CFAP74: variants seen among roughly 807,000 people sequenced by gnomAD.
The protein encoded by CFAP74 is cilia and flagella associated protein 74.
CFAP74 carries 124 observed loss-of-function variants against 188.9 expected under a neutral mutation model. That is an observed-to-expected ratio of 0.66 (90% confidence interval 0.57 to 0.76). The LOEUF (loss-of-function observed/expected upper bound fraction) is 0.76, where lower values mean the gene tolerates loss of function less well. Ranked by LOEUF, CFAP74 falls within the 30% of genes least tolerant of loss-of-function variation. The pLI, the probability that CFAP74 is intolerant of heterozygous loss-of-function variation, is 0.00. For missense variants in CFAP74, 2,198 were observed against 2,165.2 expected, an observed-to-expected ratio of 1.02 and a Z score of -0.30; for synonymous variants, 956 against 916.7, an observed-to-expected ratio of 1.04 and a Z score of -0.77.
chr1:1,937,922 GCACA>G (rs1346078358), intron 25 of CFAP74, among the ~76,000 whole-genome samples: 5 of 148,400 alleles, frequency 3.4e-5, no homozygotes, highest in South Asian at 4.3e-4. Context: ...ATACACACAT[GCACA>G]CACACAGTCT....
At chr1:1,989,222 C>G (rs2102106663) in intron 2 of CFAP74, among the ~76,000 whole-genome samples, 1 of 152,188 alleles carries the variant, frequency 6.6e-6, no homozygotes, top group Admixed American at 6.5e-5. Context: ...AGCAAGGGCA[C>G]AGCACCGCTT....
chr1:1,930,325 A>G lies in CFAP74; in HGVS notation c.3023T>C (p.Leu1008Pro), dbSNP rs1463133049. 1.1e-5 allele frequency: 17 copies of G among 1,522,298 alleles called. No individual in the cohort carries two copies. Among genetic ancestry groups the G allele is most frequent in the Non-Finnish European group, 1.5e-5 (17 of 1,136,288 alleles). 94.3% of individuals were successfully genotyped at this position (1,522,298 alleles called of 1,614,324 possible). A position where few individuals can be genotyped will look rare whatever the true frequency, so the allele number is the denominator to read the frequency against. Residue 1008 changes from leucine to proline, a missense_variant, in exon 26 of 39, where the codon CTG becomes CCG. Leu to Pro is a moderately conservative substitution (Grantham distance 98). Coordinates refer to ENST00000682832, the MANE Select transcript of CFAP74 (RefSeq NM_001304360.2). Reference protein sequence around the residue: ...CKSEINRCFKLSCRAVGVHPP... With the variant: ...CKSEINRCFKPSCRAVGVHPP... ...GTGGACGCCTACAGCCCGGCAAGAC[A>G]GCTTGAAGCACCTGCAAGCAGCAGC...
At chr1:1,956,292 C>G (rs2102061669) in intron 17 of CFAP74, among the ~76,000 whole-genome samples, 1 of 152,312 alleles carries the variant, frequency 6.6e-6, no homozygotes, top group East Asian at 1.9e-4. Context: ...GTCCTCCCAC[C>G]CCCACACCTG....
rs138672899 is a variant in CFAP74 at position 1,944,437 on chromosome 1, C to T, written c.2380G>A (p.Val794Met). 1,014 of 1,536,062 alleles carry T rather than the reference C, an allele frequency of 6.6e-4. No homozygotes were observed. The highest frequency in any genetic ancestry group is 7.3e-4 in the Non-Finnish European group (832 of 1,146,878). Residue 794 changes from valine to methionine, a missense_variant, in exon 21 of 39, where the codon GTG becomes ATG. Transcript: ENST00000682832. ...PQCPTLHFRVVGVAIDVPVWV... is the reference protein window; with the variant it reads ...PQCPTLHFRVMGVAIDVPVWV... The stretch of plus-strand genomic sequence containing the variant: ...ACCGGCACATCGATGGCCACGCCCA[C>T]GACCCTGAAATGCAGCTGCATATGG...
At chr1:1,986,280 C>T (rs1261349933) in intron 5 of CFAP74, among the ~76,000 whole-genome samples, 4 of 152,146 alleles carry the variant, frequency 2.6e-5, no homozygotes, top group Non-Finnish European at 4.4e-5. Context: ...CCAGCTACTC[C>T]GGAGGCTGCA....
chr1:1,930,173 G>A lies in CFAP74; in HGVS notation c.3175C>T (p.Arg1059Cys), dbSNP rs887385307. 25 of 1,535,664 alleles carry A rather than the reference G, an allele frequency of 1.6e-5. No homozygotes were observed. Among genetic ancestry groups the A allele is most frequent in the East Asian group, 7.3e-5 (3 of 40,918 alleles). The change falls in exon 26 of 39, where the codon CGC becomes TGC. Residue 1059 changes from arginine to cysteine, a missense_variant. Transcript: ENST00000682832. ...GGAGAGGCGTCCTCTGAGCCAATGC[G>A]GGGCTTGGAGTGGGTCGGTGAGCTC... is the stretch of plus-strand genomic sequence containing the variant. ...SMSSPTHSKP[R>C]IGSEDASPMG... is the part of the protein sequence containing the mutation.
chr1:1,999,948 G>A (rs529160628), intron 1 of CFAP74, among the ~76,000 whole-genome samples: 2 of 152,278 alleles, frequency 1.3e-5, no homozygotes, highest in South Asian at 4.1e-4. Context: ...GGCGGATCAT[G>A]AGGTCAGGAG....
At chr1:1,963,661 C>T (rs1655255964) in intron 14 of CFAP74, 88 bp downstream of exon 14, 2 of 804,300 alleles carry the variant, frequency 2.5e-6, no homozygotes, top group Non-Finnish European at 4.1e-6. Flanking sequence ...CATATAGAGC[C>T]TGTTCCAGCC....
At chr1:1,940,939 C>G (rs1263666006) in intron 22 of CFAP74, among the ~76,000 whole-genome samples, 1 of 152,046 alleles carries the variant, frequency 6.6e-6, no homozygotes, top group African/African-American at 2.4e-5. Flanking sequence ...GGTGAAACCC[C>G]ATCTCTACTA....
chr1:1,939,829 A>C (rs966653203), intron 23 of CFAP74, 62 bp from the exon 24 acceptor site: 2 of 1,458,386 alleles, frequency 1.4e-6, no homozygotes, highest in African/African-American at 1.4e-5. Context: ...GTGCTCCCCA[A>C]ACTCTGAGGC....
chr1:1,957,958 C>T (rs570668500), intron 16 of CFAP74, among the ~76,000 whole-genome samples: 6 of 152,334 alleles, frequency 3.9e-5, no homozygotes, highest in African/African-American at 1.2e-4. Flanking sequence ...TGAACCCAAG[C>T]GGGGCCACTT....
rs993461680 is a variant in CFAP74, at chr1:1,928,992, C to A, written c.3289-110G>T. The A allele has an allele frequency of 4.5e-6, 3 of 671,738 alleles. No individual in the cohort carries two copies. The East Asian group carries it at 8.4e-5, about 19-fold the overall frequency. The allele number at this position is 671,738 out of a possible 1,614,324, so 41.6% of individuals were successfully genotyped here. A position where few individuals can be genotyped will look rare whatever the true frequency, so the allele number is the denominator to read the frequency against. On this transcript the variant is annotated intron_variant, in intron 26 of 38. Coordinates refer to ENST00000682832, the MANE Select transcript of CFAP74 (RefSeq NM_001304360.2). The stretch of plus-strand genomic sequence containing the variant: ...CCGTGGACTCCCCTCAAGGTCACCT[C>A]CCCCTTGAGATTTCAGGCTGCGTGC...
intron 25 of CFAP74, among the ~76,000 whole-genome samples, chr1:1,931,128 C>T (rs535753328): frequency 6.6e-6 from 1 of 152,284 alleles, no homozygotes; most frequent in South Asian, 2.1e-4. Flanking sequence ...GCTCTAAATG[C>T]TTTAAAAAAT....
chr1:1,946,151 C>T (rs1198004255), intron 20 of CFAP74, among the ~76,000 whole-genome samples, 166 bp downstream of exon 20: 2 of 152,224 alleles, frequency 1.3e-5, no homozygotes, highest in Non-Finnish European at 2.9e-5. Context: ...TGTGTGCACA[C>T]TCGTGTGCGT....
Position 1,939,770 on chromosome 1 carries a change from G to C in CFAP74, c.2704-3C>G. 1 of 1,533,314 alleles carries C rather than the reference G, an allele frequency of 6.5e-7. No individual in the cohort carries two copies. The highest frequency in any genetic ancestry group is 8.7e-7 in the Non-Finnish European group (1 of 1,144,574). The allele number at this position is 1,533,314 out of a possible 1,614,324, so 95.0% of individuals were successfully genotyped here. ...ACGGTGAATCCCACTGGCTTGTTCT[G>C]AGACATAAAGGGCACAGGCGCCCTC... On this transcript the variant is annotated splice_region_variant and splice_polypyrimidine_tract_variant and intron_variant, in intron 23 of 38. Transcript: ENST00000682832.
At chr1:1,927,503 G>A in intron 28 of CFAP74, 104 bp downstream of exon 28, 1 of 1,134,822 alleles carries the variant, frequency 8.8e-7, no homozygotes, top group Non-Finnish European at 1.2e-6. Context: ...AGCCACATGG[G>A]TCATTCCGGG....
rs758429401 is a variant in CFAP74, at chr1:1,930,043, G to A, written c.3288+17C>T. 4.0e-6 allele frequency: 6 copies of A among 1,496,194 alleles called. No individual in the cohort carries two copies. In the East Asian group the frequency reaches 1.5e-4, roughly 37 times the overall value. 92.7% of individuals were successfully genotyped at this position (1,496,194 alleles called of 1,614,324 possible). ...GGAGCTCCTGCTTCCCAGCCTGCAT[G>A]TGGGGCCCACACCCACCTTTCCTGG... is the stretch of plus-strand genomic sequence containing the variant. On this transcript the variant is annotated intron_variant, in intron 26 of 38. Coordinates refer to ENST00000682832, the MANE Select transcript of CFAP74 (RefSeq NM_001304360.2).
rs1400514107 is a variant in CFAP74 at position 1,968,125 on chromosome 1, AG to A, written c.1245+509del. ...TGAATGAGTGAATGAATGAAGAATGAGTGAGTGAATGAATGAAGAAAGAATG... is the reference window on the plus strand; with the variant it reads ...TGAATGAGTGAATGAATGAAGAATGATGAGTGAATGAATGAAGAAAGAATG... On this transcript the variant is annotated intron_variant, in intron 11 of 38. Transcript: ENST00000682832. The surrounding 1 kb of genome is among the most constrained non-coding windows in gnomAD (Gnocchi z 4.3). Among the ~76,000 whole-genome samples the A allele has an allele frequency of 7.0e-6, 1 of 143,870 alleles. No individual in the cohort carries two copies. Among genetic ancestry groups the A allele is most frequent in the Non-Finnish European group, 1.6e-5 (1 of 63,626 alleles). 94.4% of individuals were successfully genotyped at this position (143,870 alleles called of 152,430 possible).
At chr1:1,964,794 A>C (rs1655346383) in intron 13 of CFAP74, 94 bp downstream of exon 13, 3 of 1,435,774 alleles carry the variant, frequency 2.1e-6, no homozygotes, top group Middle Eastern at 2.3e-4. Flanking sequence ...CATCTCAAAA[A>C]AAAGCAAAAG....
Sources: allele counts gnomAD v4.1 joint callset (sites outside exome capture counted in the v4.1 genomes callset), GRCh38; gene constraint gnomAD v4.1.1; non-coding constraint Gnocchi (gnomAD v3.1); transcripts MANE v1.5; gene names NCBI Gene and HGNC (gene_info 2026-07-23, HGNC 2026-07-21).